The following MAMDC2 variants were observed in gnomAD, a reference collection of about 807,000 sequenced individuals.
MAMDC2 encodes MAM domain containing 2.
A neutral mutation model predicts 89.8 loss-of-function variants in MAMDC2; 57 were observed. The ratio of observed to expected loss-of-function variants is 0.63; its 90% CI spans 0.51 to 0.79. MAMDC2 has a LOEUF of 0.79. Among genes scored for constraint, MAMDC2 ranks in the 30% least tolerant of loss-of-function variants. The pLI is 0.00. For missense variants in MAMDC2, 800 were observed against 820.6 expected, an observed-to-expected ratio of 0.97 and a Z score of 0.31; for synonymous variants, 313 against 293.4, an observed-to-expected ratio of 1.07 and a Z score of -0.68.
rs3015240 is a variant in MAMDC2, at chr9:70,058,496, G to A, written c.148+13799G>A. 6.8e-3 allele frequency among the ~76,000 whole-genome samples: 1,033 copies of A among 152,222 alleles called. 15 individuals are homozygous for A. The highest frequency in any genetic ancestry group is 0.024 in the African/African-American group (980 of 41,522). On this transcript the variant is annotated intron_variant, in intron 2 of 13. Transcript: ENST00000377182. ...CTTTTGGGTATATATTGTTCTCCGT[G>A]TTTTTTATTATTAATTAGTTTAACC...
At chr9:70,093,870 T>C (rs1323744281) in intron 2 of MAMDC2, 2 of 152,214 alleles carry the variant, frequency 1.3e-5, no homozygotes, top group African/African-American at 4.8e-5. Flanking sequence ...TCTTATATTT[T>C]CATCCTTTGT....
chr9:70,111,944 T>C (rs1436629620), intron 4 of MAMDC2, among the ~76,000 whole-genome samples: 2 of 152,186 alleles, frequency 1.3e-5, no homozygotes, highest in Non-Finnish European at 2.9e-5. Flanking sequence ...TAGCTATTTG[T>C]CAAACAAGGG....
chr9:70,164,450 G>A (rs1313267685), intron 9 of MAMDC2, among the ~76,000 whole-genome samples: 2 of 151,910 alleles, frequency 1.3e-5, no homozygotes, highest in East Asian at 1.9e-4. Flanking sequence ...AGATTTCCTC[G>A]GCTATGAATA....
At chr9:70,162,400 C>T (rs1311490426) in intron 9 of MAMDC2, among the ~76,000 whole-genome samples, 1 of 151,906 alleles carries the variant, frequency 6.6e-6, no homozygotes, top group Non-Finnish European at 1.5e-5. Context: ...AAGCAATAAC[C>T]CTGATTATTT....
chr9:70,197,044 T>TA (rs1295857384), intron 11 of MAMDC2, among the ~76,000 whole-genome samples: 2 of 135,436 alleles, frequency 1.5e-5, no homozygotes, highest in Admixed American at 8.0e-5. Flanking sequence ...CTGTCTGCTA[T>TA]AAAAAATGAA....
rs147327693 is a variant in MAMDC2 at position 70,050,978 on chromosome 9, C to T, written c.148+6281C>T. Reference sequence around the variant, plus strand: ...ATTGGTTGTTGTCAAGAATGCTTTGCTTTCTGCTTCATTATTCTCCCACCC... The same window carrying T: ...ATTGGTTGTTGTCAAGAATGCTTTGTTTTCTGCTTCATTATTCTCCCACCC... On this transcript the variant is annotated intron_variant, in intron 2 of 13. Transcript: ENST00000377182. Among the ~76,000 whole-genome samples, 18 of 152,298 alleles carry T rather than the reference C, an allele frequency of 1.2e-4. No individual in the cohort carries two copies. The East Asian group carries it at 3.5e-3, about 29-fold the overall frequency.
intron 11 of MAMDC2, among the ~76,000 whole-genome samples, chr9:70,207,357 G>A (rs1336385057): frequency 2.0e-5 from 3 of 152,102 alleles, no homozygotes; most frequent in Non-Finnish European, 4.4e-5. Context: ...TTGTGGTTTT[G>A]ATTTGCATTT....
In MAMDC2 at chr9:70,098,016, T is replaced by G. The variant is rs560516283; in HGVS notation, c.149-10195T>G. Among the ~76,000 whole-genome samples the G allele has an allele frequency of 1.1e-4, 16 of 152,300 alleles. 1 individual carries two copies. In the South Asian group the frequency reaches 3.3e-3, roughly 32 times the overall value. On this transcript the variant is annotated intron_variant, in intron 2 of 13. Coordinates refer to ENST00000377182, the MANE Select transcript of MAMDC2 (RefSeq NM_153267.5). The stretch of plus-strand genomic sequence containing the variant: ...ACCCTTTCTAATTCAGCAGGAAGAT[T>G]TGGAAGCCCGATGGACTTGTTTATG...
chr9:70,217,296 G>T, intron 11 of MAMDC2: 1 of 1,340,304 alleles, frequency 7.5e-7, no homozygotes, highest in African/African-American at 1.4e-5. Context: ...TTCTTAATGC[G>T]AAATGCGAGT....
chr9:70,161,005 T>C (rs1230733958), intron 9 of MAMDC2, among the ~76,000 whole-genome samples: 1 of 152,144 alleles, frequency 6.6e-6, no homozygotes, highest in Non-Finnish European at 1.5e-5. Flanking sequence ...AAATACATTC[T>C]ATCAGGGATC....
At position 70,108,350 on chromosome 9, in the gene MAMDC2, T is replaced by C; in HGVS notation, c.288T>C (p.Asp96=). The C allele has an allele frequency of 6.2e-7, 1 of 1,614,092 alleles. No homozygotes were observed. Among genetic ancestry groups the C allele is most frequent in the African/African-American group, 1.3e-5 (1 of 75,058 alleles). Residue 96 remains aspartate, a synonymous_variant, in exon 3 of 14, where the codon GAT becomes GAC. Transcript: ENST00000377182. ...QITTSSESLS[D]PSQLNLYMRF... ...CCACATCTTCGGAGTCTCTGTCAGA[T>C]CCCAGCCAGCTGAACCTCTACATGA...
chr9:70,113,185 T>A, intron 5 of MAMDC2, 53 bp downstream of exon 5: 1 of 1,587,082 alleles, frequency 6.3e-7, no homozygotes, highest in South Asian at 1.1e-5. Context: ...TTCTGCTGTC[T>A]CCTCCCACTT....
At chr9:70,081,758 G>A (rs1827658743) in intron 2 of MAMDC2, 1 of 152,076 alleles carries the variant, frequency 6.6e-6, no homozygotes, top group African/African-American at 2.4e-5. Context: ...AGAAGCTTGT[G>A]GATAGATTCA....
At position 70,044,054 on chromosome 9, in the gene MAMDC2, C is replaced by A; in HGVS notation, c.-144C>A. On this transcript the variant is annotated 5_prime_UTR_variant, in exon 1 of 14. Transcript: ENST00000377182. ...AGCCGCTCTGCAAAGTTGGGCAGCT[C>A]AGAGCGCAAGCTTTGCCTCTCGACT... 1.0e-6 allele frequency: 1 copy of A among 959,574 alleles called. No individual in the cohort carries two copies. The highest frequency in any genetic ancestry group is 1.6e-6 in the Non-Finnish European group (1 of 629,190). The allele number at this position is 959,574 out of a possible 1,614,324, so 59.4% of individuals were successfully genotyped here.
intron 9 of MAMDC2, among the ~76,000 whole-genome samples, chr9:70,167,534 T>C (rs2032210585): frequency 6.6e-6 from 1 of 152,220 alleles, no homozygotes; most frequent in Non-Finnish European, 1.5e-5. Context: ...TTGAATTAGA[T>C]TTGTAATTGA....
chr9:70,198,479 C>T (rs924747823), intron 11 of MAMDC2, among the ~76,000 whole-genome samples: 2 of 151,940 alleles, frequency 1.3e-5, no homozygotes, highest in African/African-American at 4.8e-5. Flanking sequence ...GATTTTGCAG[C>T]CAAATGATAC....
At chr9:70,050,467 T>C (rs1056244807) in intron 2 of MAMDC2, among the ~76,000 whole-genome samples, 11 of 152,194 alleles carry the variant, frequency 7.2e-5, no homozygotes, top group African/African-American at 2.4e-4. Context: ...TCTTTCAAGC[T>C]GTGTGGGCTT....
chr9:70,162,285 G>T (rs564730035), intron 9 of MAMDC2, among the ~76,000 whole-genome samples: 2 of 152,210 alleles, frequency 1.3e-5, no homozygotes, highest in South Asian at 4.2e-4. Flanking sequence ...GATTTGATTT[G>T]ATTTGACTTC....
intron 12 of MAMDC2, among the ~76,000 whole-genome samples, chr9:70,219,770 C>T (rs573457150): frequency 2.0e-5 from 3 of 152,154 alleles, no homozygotes; most frequent in East Asian, 3.9e-4. Context: ...AATGTCTGTT[C>T]GAAAGAAGAA....
Sources: allele counts gnomAD v4.1 joint callset (sites outside exome capture counted in the v4.1 genomes callset), GRCh38; gene constraint gnomAD v4.1.1; transcripts MANE v1.5; gene names NCBI Gene and HGNC (gene_info 2026-07-23, HGNC 2026-07-21).